NAV3: variants seen among roughly 807,000 people sequenced by gnomAD.
NAV3 encodes the protein neuron navigator 3.
In NAV3, 87 loss-of-function variants were observed where a neutral mutation model predicts 244.7. The observed-to-expected ratio is 0.36, with a 90% CI of 0.30 to 0.42. The LOEUF is 0.42. NAV3 is among the 20% of genes least tolerant of loss of function. The pLI, the probability that NAV3 is intolerant of heterozygous loss-of-function variation, is 1.00. For missense variants in NAV3, 2,663 were observed against 2,893.3 expected, an observed-to-expected ratio of 0.92 and a Z score of 1.83; for synonymous variants, 1,126 against 1,042.2, an observed-to-expected ratio of 1.08 and a Z score of -1.55.
intron 1 of NAV3, among the ~76,000 whole-genome samples, chr12:77,873,410 A>G (rs1677906): frequency 0.15 from 23,261 of 151,866 alleles, 2,022 homozygotes; most frequent in African/African-American, 0.24. Flanking sequence ...TCGTTACTTT[A>G]TAATGAAATG....
chr12:78,115,889 C>G (rs1293135427), intron 12 of NAV3, among the ~76,000 whole-genome samples: 3 of 152,156 alleles, frequency 2.0e-5, no homozygotes, highest in Non-Finnish European at 4.4e-5. Context: ...CCTAATGATG[C>G]ATTTCTCAAA....
At chr12:77,980,135 G>A (rs1285720620) in intron 5 of NAV3, among the ~76,000 whole-genome samples, 1 of 152,102 alleles carries the variant, frequency 6.6e-6, no homozygotes, top group East Asian at 1.9e-4. Flanking sequence ...ATAAGTTTCA[G>A]TTCCTTGACA....
At chr12:77,654,033 A>T (rs143575432) in intron 2 of NAV3, among the ~76,000 whole-genome samples, 1 of 152,184 alleles carries the variant, frequency 6.6e-6, no homozygotes, top group Non-Finnish European at 1.5e-5. Context: ...GCCACGCAGA[A>T]GACGGGTGAT....
At chr12:78,201,735 A>G (rs1959726830) in intron 38 of NAV3, among the ~76,000 whole-genome samples, 1 of 151,998 alleles carries the variant, frequency 6.6e-6, no homozygotes, top group Non-Finnish European at 1.5e-5. Context: ...CTTTTCAGTA[A>G]CTCAGCCAAG....
chr12:77,945,927 T>A lies in NAV3; in HGVS notation c.414+4794T>A, dbSNP rs1050563766. On this transcript the variant is annotated intron_variant, in intron 3 of 39. Coordinates refer to ENST00000397909, the MANE Select transcript of NAV3 (RefSeq NM_001024383.2). ...CCACACCTGGCTAATATTTTTTAAT[T>A]TTTTTAATTTTTAGTAGAGACGGGT... Among the ~76,000 whole-genome samples, 9 of 151,590 alleles carry A rather than the reference T, an allele frequency of 5.9e-5. No individual in the cohort carries two copies. The East Asian group carries it at 1.6e-3, about 26-fold the overall frequency.
At chr12:77,580,639 A>G (rs1229811505) in intron 2 of NAV3, among the ~76,000 whole-genome samples, 1 of 152,240 alleles carries the variant, frequency 6.6e-6, no homozygotes, top group Non-Finnish European at 1.5e-5. Context: ...ACATTTTAAT[A>G]GTGTTTACTG....
chr12:77,904,291 A>T (rs1272165678), intron 1 of NAV3, among the ~76,000 whole-genome samples: 1 of 152,190 alleles, frequency 6.6e-6, no homozygotes, highest in East Asian at 1.9e-4. Context: ...TGGCACATAT[A>T]CACCATGGAA....
chr12:77,820,956 T>C (rs192577190), intron 2 of NAV3, among the ~76,000 whole-genome samples: 1 of 152,214 alleles, frequency 6.6e-6, no homozygotes, highest in Non-Finnish European at 1.5e-5. Context: ...CTTTCTAATT[T>C]CCTATTCTTT....
At chr12:78,159,388 G>A in intron 23 of NAV3, 102 bp downstream of exon 23, 8 of 1,062,770 alleles carry the variant, frequency 7.5e-6, no homozygotes, top group Non-Finnish European at 1.1e-5. Flanking sequence ...TCCAGGCTGA[G>A]TGCAGAGGCT....
At chr12:77,945,372 G>T (rs1161235974) in intron 3 of NAV3, among the ~76,000 whole-genome samples, 1 of 152,044 alleles carries the variant, frequency 6.6e-6, no homozygotes, top group Non-Finnish European at 1.5e-5. Context: ...GTTATGATGG[G>T]GTGAAGATAC....
At chr12:77,622,273 C>T (rs1031113320) in intron 2 of NAV3, among the ~76,000 whole-genome samples, 14 of 152,090 alleles carry the variant, frequency 9.2e-5, no homozygotes, top group Non-Finnish European at 1.5e-4. Context: ...CGTTCTCCTG[C>T]CTCAGCCTCC....
At chr12:77,572,105 G>A (rs1398835248) in exon 2 of NAV3, 1 of 154,366 alleles carries the variant, frequency 6.5e-6, no homozygotes, top group African/African-American at 2.4e-5. Context: ...GGGGAACGTG[G>A]CGGGCCAGTG....
chr12:77,957,754 T>G (rs978282861), intron 3 of NAV3, among the ~76,000 whole-genome samples: 3 of 152,082 alleles, frequency 2.0e-5, no homozygotes, highest in African/African-American at 7.2e-5. Context: ...AACCTTTGCC[T>G]CGCAGGTTCA....
In NAV3 at chr12:78,200,575, T is replaced by C. The variant is rs931642684; in HGVS notation, c.6818T>C (p.Val2273Ala). ...TTAGTACCTTATATTCTGGAGGCAG[T>C]GAGAGAGGGTCTTCAGGTATAGTAC... Reference protein sequence around the residue: ...YSLVPYILEAVREGLQMYGKR... With the variant: ...YSLVPYILEAAREGLQMYGKR... The change falls in exon 38 of 40, where the codon GTG becomes GCG. Residue 2273 changes from valine to alanine, a missense_variant. Coordinates refer to ENST00000397909, the MANE Select transcript of NAV3 (RefSeq NM_001024383.2). 6.4e-7 allele frequency: 1 copy of C among 1,562,208 alleles called. No homozygotes were observed. Among genetic ancestry groups the C allele is most frequent in the Non-Finnish European group, 8.7e-7 (1 of 1,150,268 alleles).
chr12:77,808,000 C>G (rs1413333419), intron 2 of NAV3, among the ~76,000 whole-genome samples: 1 of 152,238 alleles, frequency 6.6e-6, no homozygotes, highest in East Asian at 1.9e-4. Flanking sequence ...TCAGGAAGTT[C>G]TCATGCTGCA....
intron 3 of NAV3, among the ~76,000 whole-genome samples, chr12:77,942,259 C>G (rs1889942834): frequency 6.6e-6 from 1 of 152,048 alleles, no homozygotes. Flanking sequence ...ATAATCCCAG[C>G]TACTCGGGAG....
intron 1 of NAV3, among the ~76,000 whole-genome samples, chr12:77,849,251 T>G (rs1305004942): frequency 6.6e-6 from 1 of 152,110 alleles, no homozygotes; most frequent in Non-Finnish European, 1.5e-5. Context: ...TTTAAACATA[T>G]GTGTTGAATA....
intron 2 of NAV3, among the ~76,000 whole-genome samples, chr12:77,803,820 C>A (rs1380269857): frequency 6.6e-6 from 1 of 152,204 alleles, no homozygotes; most frequent in Non-Finnish European, 1.5e-5. Flanking sequence ...GATCGCCATT[C>A]TAACTGGCCT....
intron 5 of NAV3, among the ~76,000 whole-genome samples, chr12:77,975,398 A>G (rs993644282): frequency 2.0e-5 from 3 of 152,262 alleles, no homozygotes; most frequent in Non-Finnish European, 4.4e-5. Flanking sequence ...TGGAGATAAC[A>G]CAAACTTAAT....
Sources: gnomAD v4.1 joint callset for allele counts (sites outside exome capture counted in the v4.1 genomes callset) on GRCh38, gnomAD v4.1.1 for gene constraint, MANE v1.5 for transcripts, NCBI Gene and HGNC (gene_info 2026-07-23, HGNC 2026-07-21) for gene names.